The following DYNC2I1 variants were observed in gnomAD, a reference collection of about 807,000 sequenced individuals.
DYNC2I1 encodes dynein 2 intermediate chain 1.
A neutral mutation model predicts 133.4 loss-of-function variants in DYNC2I1; 89 were observed. The ratio of observed to expected loss-of-function variants is 0.67; its 90% CI spans 0.56 to 0.80. The LOEUF is 0.80. Among genes scored for constraint, DYNC2I1 ranks in the 30% least tolerant of loss-of-function variants. The pLI, the probability that DYNC2I1 is intolerant of heterozygous loss-of-function variation, is 0.00. For missense variants in DYNC2I1, 1,291 were observed against 1,314.5 expected (o/e 0.98, Z 0.28); for synonymous variants, 504 against 484.3 (o/e 1.04, Z -0.54).
At chr7:158,889,080 CTTTTTTTTTTT>C (rs369814666) in intron 7 of DYNC2I1, among the ~76,000 whole-genome samples, 6 of 126,084 alleles carry the variant, frequency 4.8e-5, no homozygotes, top group Non-Finnish European at 1.0e-4. Flanking sequence ...TCCTGTTTTT[CTTTTTTTTTTT>C]TTTTTTTGAC....
chr7:158,839,568 C>T, the DYNC2I1 span, among the ~76,000 whole-genome samples: 1 of 152,128 alleles, frequency 6.6e-6, no homozygotes, highest in African/African-American at 2.4e-5. Context: ...GCCTGTAATC[C>T]CAGCACTTTG....
At chr7:158,912,408 GT>G in intron 12 of DYNC2I1, among the ~76,000 whole-genome samples, 1 of 152,170 alleles carries the variant, frequency 6.6e-6, no homozygotes, top group Non-Finnish European at 1.5e-5. Context: ...AAGGAGGAAG[GT>G]CACGGGATGA....
upstream of DYNC2I1, among the ~76,000 whole-genome samples, chr7:158,854,633 A>G (rs972349360): frequency 4.6e-5 from 7 of 152,146 alleles, no homozygotes. Context: ...CCAGAACTTA[A>G]AGTATAATAA....
At chr7:158,941,240 T>G (rs1452926594) in intron 23 of DYNC2I1, among the ~76,000 whole-genome samples, 1 of 152,154 alleles carries the variant, frequency 6.6e-6, no homozygotes, top group African/African-American at 2.4e-5. Context: ...TTATGAAAAT[T>G]TCAATCCAAG....
chr7:158,944,861 G>T (rs1851721239), intron 24 of DYNC2I1, among the ~76,000 whole-genome samples: 1 of 152,172 alleles, frequency 6.6e-6, no homozygotes, highest in South Asian at 2.1e-4. Flanking sequence ...GGAGTTGCAG[G>T]TGCCAGGAGT....
chr7:158,900,083 G>T (rs1846097202), intron 8 of DYNC2I1, among the ~76,000 whole-genome samples: 1 of 149,722 alleles, frequency 6.7e-6, no homozygotes, highest in Admixed American at 6.7e-5. Flanking sequence ...CTGTCTTCTT[G>T]CTTGCATGGT....
At chr7:158,867,556 G>A (rs1047992103) in intron 1 of DYNC2I1, among the ~76,000 whole-genome samples, 2 of 152,158 alleles carry the variant, frequency 1.3e-5, no homozygotes, top group Non-Finnish European at 2.9e-5. Context: ...TCCAGGTGGC[G>A]GCGAGGGTGC....
At chr7:158,886,615 A>T (rs1844630389) in intron 6 of DYNC2I1, among the ~76,000 whole-genome samples, 1 of 151,764 alleles carries the variant, frequency 6.6e-6, no homozygotes. Context: ...TAAAAAAATT[A>T]TTTTTTGAGA....
chr7:158,901,901 T>C, intron 9 of DYNC2I1, 85 bp downstream of exon 9: 1 of 995,462 alleles, frequency 1.0e-6, no homozygotes, highest in Non-Finnish European at 1.5e-6. Context: ...TGATGTCCTT[T>C]TTATTCTTTT....
chr7:158,923,324 T>G (rs1417276411), intron 16 of DYNC2I1, among the ~76,000 whole-genome samples: 4 of 152,142 alleles, frequency 2.6e-5, no homozygotes, highest in African/African-American at 9.7e-5. Flanking sequence ...CAGATGAGTG[T>G]CAGCACCTTG....
intron 8 of DYNC2I1, among the ~76,000 whole-genome samples, chr7:158,892,865 GA>G (rs1482772930): frequency 6.6e-6 from 1 of 151,262 alleles, no homozygotes; most frequent in Non-Finnish European, 1.5e-5. Context: ...TTGAACCCAG[GA>G]GGCGGAGGTT....
chr7:158,852,012 C>T (rs1841070171), upstream of DYNC2I1, among the ~76,000 whole-genome samples: 2 of 152,208 alleles, frequency 1.3e-5, no homozygotes, highest in Admixed American at 6.5e-5. Context: ...GGCACTCGGG[C>T]ATTCCACTGT....
chr7:158,912,735 T>C (rs1847611202), intron 12 of DYNC2I1, among the ~76,000 whole-genome samples: 1 of 152,178 alleles, frequency 6.6e-6, no homozygotes, highest in Admixed American at 6.5e-5. Context: ...GAAAATAGGG[T>C]GTGGGCAGGT....
chr7:158,907,530 GCCTTCCCTC>G (rs1410411436), intron 11 of DYNC2I1, among the ~76,000 whole-genome samples: 1 of 151,930 alleles, frequency 6.6e-6, no homozygotes, highest in Non-Finnish European at 1.5e-5. Flanking sequence ...GTCATTGGTT[GCCTTCCCTC>G]CCTTTCCATT....
In DYNC2I1 at chr7:158,932,603, G is replaced by A. The variant is rs2129487730; in HGVS notation, c.2547-1526G>A. ...TGGACATTAGCATAAAGGTGGTCAG[G>A]AGCCATTGCAGCACGTTGAGCCGAG... On this transcript the variant is annotated intron_variant, in intron 21 of 24. Coordinates refer to ENST00000407559, the MANE Select transcript of DYNC2I1 (RefSeq NM_018051.5). 1.3e-5 allele frequency among the ~76,000 whole-genome samples: 2 copies of A among 152,314 alleles called. 1 individual carries two copies. The highest frequency in any genetic ancestry group is 4.2e-4 in the South Asian group (2 of 4,816).
intron 11 of DYNC2I1, among the ~76,000 whole-genome samples, chr7:158,907,241 G>T (rs146716107): frequency 4.8e-4 from 71 of 148,422 alleles, no homozygotes; most frequent in African/African-American, 1.6e-3. Flanking sequence ...TCCTGTGGAG[G>T]TAGCAAAACT....
intron 24 of DYNC2I1, among the ~76,000 whole-genome samples, chr7:158,944,937 G>A (rs558200034): frequency 6.6e-6 from 1 of 152,290 alleles, no homozygotes; most frequent in Admixed American, 6.5e-5. Context: ...GAGGGGGTTT[G>A]AATGGGGGCC....
chr7:158,888,468 C>CATATATAT (rs112738029), intron 7 of DYNC2I1, among the ~76,000 whole-genome samples: 29 of 147,604 alleles, frequency 2.0e-4, no homozygotes, highest in African/African-American at 7.2e-4. Context: ...GCCATACATA[C>CATATATAT]ATATATATAT....
In DYNC2I1 at chr7:158,859,825, CAG is replaced by C. The variant is rs368323625; in HGVS notation, c.15+3078_15+3079del. 6.0e-4 allele frequency among the ~76,000 whole-genome samples: 92 copies of C among 152,242 alleles called. 1 individual carries two copies. The East Asian group carries it at 0.016, about 26-fold the overall frequency. ...TTAAAGTAGCAAAAGCAACAGATCT[CAG>C]AGCTGGATATTTCCTGGCAACTAAT... On this transcript the variant is annotated intron_variant, in intron 1 of 24. Transcript: ENST00000407559.
Sources: allele counts gnomAD v4.1 joint callset (sites outside exome capture counted in the v4.1 genomes callset), GRCh38; gene constraint gnomAD v4.1.1; transcripts MANE v1.5; gene names NCBI Gene and HGNC (gene_info 2026-07-23, HGNC 2026-07-21).